PAK1: variants seen among roughly 807,000 people sequenced by gnomAD.
PAK1 encodes the protein p21 (RAC1) activated kinase 1.
PAK1 carries 29 observed loss-of-function variants against 67.4 expected under a neutral mutation model. That is an observed-to-expected ratio of 0.43 (90% CI 0.32 to 0.59). The LOEUF is 0.59. Among genes scored for constraint, PAK1 ranks in the 20% least tolerant of loss-of-function variants. PAK1 has a pLI of 0.07. For missense variants in PAK1, 337 were observed against 670.7 expected, an observed-to-expected ratio of 0.50 and a Z score of 5.50; for synonymous variants, 223 against 237.4, an observed-to-expected ratio of 0.94 and a Z score of 0.56.
intron 1 of PAK1, among the ~76,000 whole-genome samples, chr11:77,429,093 A>AAAAAAAAAAAAAAAAAAAC (rs1565696611): frequency 9.4e-6 from 1 of 106,376 alleles, no homozygotes; most frequent in Non-Finnish European, 1.7e-5. Flanking sequence ...AAAAAAAAAA[A>AAAAAAAAAAAAAAAAAAAC]ACACACACAC....
intron 1 of PAK1, among the ~76,000 whole-genome samples, chr11:77,472,521 GTTTTGGGGCAT>G (rs1289126044): frequency 2.0e-5 from 3 of 152,280 alleles, no homozygotes; most frequent in East Asian, 3.9e-4. Flanking sequence ...CTACTTGCCC[GTTTTGGGGCAT>G]AAAACCAAAC....
intron 1 of PAK1, among the ~76,000 whole-genome samples, chr11:77,472,628 T>G (rs1041540241): frequency 6.6e-6 from 1 of 152,258 alleles, no homozygotes; most frequent in Non-Finnish European, 1.5e-5. Context: ...ATGAGGTATC[T>G]GTACTGATAA....
chr11:77,363,009 G>C (rs1947012007), intron 5 of PAK1, among the ~76,000 whole-genome samples: 2 of 151,986 alleles, frequency 1.3e-5, no homozygotes, highest in Admixed American at 1.3e-4. Flanking sequence ...TCTTCAACAT[G>C]ATCAAAACCA....
intron 7 of PAK1, among the ~76,000 whole-genome samples, chr11:77,354,582 C>CA (rs1213694206): frequency 6.6e-6 from 1 of 151,980 alleles, no homozygotes; most frequent in Non-Finnish European, 1.5e-5. Flanking sequence ...CAAAACAAAA[C>CA]AAAAAACTCT....
intron 1 of PAK1, among the ~76,000 whole-genome samples, chr11:77,448,208 T>C (rs1260185562): frequency 6.6e-6 from 1 of 152,164 alleles, no homozygotes; most frequent in Non-Finnish European, 1.5e-5. Context: ...GGGAGACTCA[T>C]ATGGGAAAAA....
Position 77,369,802 on chromosome 11 carries a change from C to T in PAK1, c.477+4526G>A, listed in dbSNP as rs576099842. Among the ~76,000 whole-genome samples the T allele has an allele frequency of 7.2e-5, 11 of 152,202 alleles. No individual in the cohort carries two copies. The South Asian group carries it at 1.7e-3, about 23-fold the overall frequency. On this transcript the variant is annotated intron_variant, in intron 5 of 14. Coordinates refer to ENST00000356341, the MANE Select transcript of PAK1 (RefSeq NM_002576.5). ...AGAACATTCTTTCCTCCTCTGATTG[C>T]TCTAATAGCAGGGTGTTTTTGTAGA...
chr11:77,448,921 G>A (rs1319465331), intron 1 of PAK1, among the ~76,000 whole-genome samples: 1 of 152,210 alleles, frequency 6.6e-6, no homozygotes, highest in Non-Finnish European at 1.5e-5. Flanking sequence ...AGGAAAGGTT[G>A]AATTCATTTT....
At chr11:77,523,041 T>A in the PAK1 span, among the ~76,000 whole-genome samples, 2 of 152,006 alleles carry the variant, frequency 1.3e-5, no homozygotes, top group Non-Finnish European at 2.9e-5. Flanking sequence ...GACATAAAGA[T>A]GGGAACAATA....
the PAK1 span, among the ~76,000 whole-genome samples, chr11:77,514,258 C>A: frequency 6.6e-5 from 10 of 152,174 alleles, no homozygotes; most frequent in Admixed American, 6.5e-4. Context: ...CTTTGGGAGG[C>A]TGAGGCGGGT....
intron 9 of PAK1, 112 bp downstream of exon 9, chr11:77,349,124 CAAA>C (rs34167967): frequency 2.7e-3 from 1,363 of 507,626 alleles, no homozygotes; most frequent in South Asian, 3.3e-3. Flanking sequence ...GACCCCATCC[CAAA>C]AAAAAAAAAA....
At chr11:77,347,088 G>T (rs1565597786) in intron 9 of PAK1, 2 of 456,222 alleles carry the variant, frequency 4.4e-6, no homozygotes, top group Non-Finnish European at 8.8e-6. Context: ...CCCTGGGGCA[G>T]GAAATGAAGC....
chr11:77,454,599 ATC>A (rs904034864), intron 1 of PAK1, among the ~76,000 whole-genome samples: 1 of 152,178 alleles, frequency 6.6e-6, no homozygotes, highest in Non-Finnish European at 1.5e-5. Context: ...AATCAAAATC[ATC>A]TGGCGGGCTT....
chr11:77,357,315 A>G (rs944641078), intron 6 of PAK1, among the ~76,000 whole-genome samples: 1 of 152,114 alleles, frequency 6.6e-6, no homozygotes, highest in Non-Finnish European at 1.5e-5. Flanking sequence ...GGGAGAGAAC[A>G]TTCCAGTAGT....
intron 5 of PAK1, among the ~76,000 whole-genome samples, chr11:77,367,690 G>A (rs1001330338): frequency 1.3e-5 from 2 of 152,122 alleles, no homozygotes; most frequent in Non-Finnish European, 2.9e-5. Flanking sequence ...AGAGGTCCAA[G>A]ATCTAGGGCT....
intron 2 of PAK1, among the ~76,000 whole-genome samples, chr11:77,387,936 G>T (rs1479894469): frequency 1.3e-5 from 2 of 152,166 alleles, no homozygotes; most frequent in Admixed American, 6.5e-5. Flanking sequence ...TTGATCAAAG[G>T]CTCCAAACAA....
At chr11:77,526,986 GT>G in the PAK1 span, among the ~76,000 whole-genome samples, 5 of 151,948 alleles carry the variant, frequency 3.3e-5, no homozygotes, top group Admixed American at 3.3e-4. Flanking sequence ...ACTGGGGAGT[GT>G]GGTGAGGGGA....
At chr11:77,489,763 C>T in the PAK1 span, among the ~76,000 whole-genome samples, 1 of 151,800 alleles carries the variant, frequency 6.6e-6, no homozygotes, top group Non-Finnish European at 1.5e-5. Flanking sequence ...CAATGGTGCC[C>T]AGGCTGGAGT....
chr11:77,503,892 TC>T, the PAK1 span, among the ~76,000 whole-genome samples: 4 of 152,160 alleles, frequency 2.6e-5, no homozygotes, highest in African/African-American at 4.8e-5. Context: ...TATTTATGAA[TC>T]TTTTTTTTGT....
At position 77,423,168 on chromosome 11, in the gene PAK1, C is replaced by T. The variant is rs147348634; in HGVS notation, c.-21-30627G>A. ...GTCTGAAACATTGATTCCTTATTAG[C>T]CACTGGTCTCTAACCATAAATAAAT... On this transcript the variant is annotated intron_variant, in intron 1 of 14. Coordinates refer to ENST00000356341, the MANE Select transcript of PAK1 (RefSeq NM_002576.5). Among the ~76,000 whole-genome samples, 12 of 151,632 alleles carry T rather than the reference C, an allele frequency of 7.9e-5. No homozygotes were observed. In the East Asian group the frequency reaches 2.3e-3, roughly 29 times the overall value.
Sources: gnomAD v4.1 joint callset for allele counts (sites outside exome capture counted in the v4.1 genomes callset) on GRCh38, gnomAD v4.1.1 for gene constraint, MANE v1.5 for transcripts, NCBI Gene and HGNC (gene_info 2026-07-23, HGNC 2026-07-21) for gene names.